Variants in WWOX observed in about 807,000 individuals in gnomAD.
WWOX encodes the protein WW domain-containing oxidoreductase.
Under a neutral mutation model 46.2 loss-of-function variants are expected in WWOX, and 69 were observed. The observed-to-expected ratio is 1.49, with a 90% CI of 1.23 to 1.82. The LOEUF (loss-of-function observed/expected upper bound fraction) is 1.82. Ranked by LOEUF, WWOX falls within the 40% of genes most tolerant of loss-of-function variation. The pLI is 0.00. For synonymous variants in WWOX, 359 were observed against 202.6 expected (o/e 1.77, Z -6.56); for missense variants, 919 against 542.6 (o/e 1.69, Z -6.89).
At chr16:78,325,829 C>G (rs752975791) in intron 5 of WWOX, among the ~76,000 whole-genome samples, 1 of 152,202 alleles carries the variant, frequency 6.6e-6, no homozygotes, top group Non-Finnish European at 1.5e-5. Context: ...GCTTTTGCAA[C>G]TTGAACACAC....
intron 8 of WWOX, among the ~76,000 whole-genome samples, chr16:79,184,292 A>G (rs1266922591): frequency 6.6e-6 from 1 of 152,206 alleles, no homozygotes; most frequent in East Asian, 1.9e-4. Flanking sequence ...TTCTTTGCAC[A>G]AAGAGCCTAC....
intron 8 of WWOX, among the ~76,000 whole-genome samples, chr16:79,105,802 A>G (rs892297430): frequency 2.0e-5 from 3 of 151,976 alleles, no homozygotes; most frequent in African/African-American, 7.2e-5. Context: ...ACCTGAGACT[A>G]CAGGCAGTCA....
chr16:78,897,978 G>C (rs1025588986), intron 8 of WWOX: 1 of 115,072 alleles, frequency 8.7e-6, no homozygotes, highest in African/African-American at 4.7e-5. Flanking sequence ...TGAACTGCTT[G>C]TTTATGTATT....
At chr16:79,191,302 C>T (rs1052613830) in intron 8 of WWOX, among the ~76,000 whole-genome samples, 4 of 151,972 alleles carry the variant, frequency 2.6e-5, no homozygotes, top group African/African-American at 2.4e-5. Context: ...GCAATCTGCC[C>T]GCCTCTGCCT....
At chr16:78,803,185 A>G (rs1280966244) in intron 8 of WWOX, among the ~76,000 whole-genome samples, 1 of 151,908 alleles carries the variant, frequency 6.6e-6, no homozygotes, top group East Asian at 1.9e-4. Context: ...TCAGTTCTTA[A>G]CACAAACCAC....
intron 5 of WWOX, among the ~76,000 whole-genome samples, chr16:78,305,659 C>G (rs979070709): frequency 1.3e-5 from 2 of 151,966 alleles, no homozygotes; most frequent in African/African-American, 2.4e-5. Context: ...TGAAAAGCCC[C>G]TTTCTTGTTT....
intron 8 of WWOX, among the ~76,000 whole-genome samples, chr16:78,815,058 C>T (rs2051294674): frequency 6.6e-6 from 1 of 152,230 alleles, no homozygotes; most frequent in Non-Finnish European, 1.5e-5. Context: ...GGCACAGTGG[C>T]TCACGCCTGT....
chr16:78,284,093 G>T (rs758740821), intron 5 of WWOX, among the ~76,000 whole-genome samples: 1 of 152,142 alleles, frequency 6.6e-6, no homozygotes, highest in Non-Finnish European at 1.5e-5. Context: ...CAACCATTGC[G>T]TGTAGGAGGG....
intron 8 of WWOX, among the ~76,000 whole-genome samples, chr16:78,436,877 G>T (rs2083346821): frequency 6.6e-6 from 1 of 152,200 alleles, no homozygotes; most frequent in South Asian, 2.1e-4. Flanking sequence ...TGGACAAAGG[G>T]TGCATTTCTG....
At chr16:78,855,374 A>T (rs73579334) in intron 8 of WWOX, among the ~76,000 whole-genome samples, 1 of 152,106 alleles carries the variant, frequency 6.6e-6, no homozygotes, top group African/African-American at 2.4e-5. Flanking sequence ...CTAAAATTGT[A>T]TGTTGCGGGG....
intron 8 of WWOX, among the ~76,000 whole-genome samples, chr16:78,711,993 A>T (rs2048454155): frequency 1.3e-5 from 2 of 152,188 alleles, no homozygotes; most frequent in South Asian, 4.1e-4. Flanking sequence ...AATCTGTGCT[A>T]GTTCGGCAAA....
intron 8 of WWOX, among the ~76,000 whole-genome samples, chr16:79,006,697 G>A (rs1419568344): frequency 6.6e-6 from 1 of 152,100 alleles, no homozygotes; most frequent in Non-Finnish European, 1.5e-5. Context: ...GTGGGGCTGG[G>A]CTTTTTCTGG....
intron 8 of WWOX, among the ~76,000 whole-genome samples, chr16:78,626,256 G>C (rs1423150794): frequency 6.6e-6 from 1 of 151,998 alleles, no homozygotes; most frequent in East Asian, 1.9e-4. Flanking sequence ...TCAGCCTCCT[G>C]AGCAGGTGGG....
At chr16:78,709,423 C>T (rs895149979) in intron 8 of WWOX, among the ~76,000 whole-genome samples, 7 of 152,078 alleles carry the variant, frequency 4.6e-5, no homozygotes, top group East Asian at 3.9e-4. Flanking sequence ...CAGCCTGTTG[C>T]AAGTAATCGG....
chr16:78,558,819 C>G, intron 8 of WWOX, among the ~76,000 whole-genome samples: 1 of 152,222 alleles, frequency 6.6e-6, no homozygotes, highest in East Asian at 1.9e-4. Context: ...AACCAAGTGG[C>G]TCTTTCGGAA....
intron 6 of WWOX, among the ~76,000 whole-genome samples, chr16:78,423,030 C>T (rs775356665): frequency 6.6e-5 from 10 of 151,738 alleles, no homozygotes; most frequent in Non-Finnish European, 1.0e-4. Flanking sequence ...GGATTACAGG[C>T]GTGTGCCACC....
intron 5 of WWOX, among the ~76,000 whole-genome samples, chr16:78,342,777 C>A (rs1207725225): frequency 1.7e-5 from 2 of 120,582 alleles, no homozygotes; most frequent in Non-Finnish European, 4.0e-5. Flanking sequence ...AAAAACAAGC[C>A]ACCAGATTGT....
intron 8 of WWOX, among the ~76,000 whole-genome samples, chr16:78,943,394 G>A (rs1011447164): frequency 1.3e-5 from 2 of 148,276 alleles, no homozygotes; most frequent in Admixed American, 6.6e-5. Context: ...CGACTGCATC[G>A]CCACTCCCCC....
chr16:79,039,806 G>A (rs761653145), intron 8 of WWOX, among the ~76,000 whole-genome samples: 18 of 152,000 alleles, frequency 1.2e-4, no homozygotes, highest in Non-Finnish European at 1.9e-4. Flanking sequence ...ACCTTTTTGC[G>A]TGCTCTTCTG....
Sources: gnomAD v4.1 joint callset for allele counts (sites outside exome capture counted in the v4.1 genomes callset) on GRCh38, gnomAD v4.1.1 for gene constraint, MANE v1.5 for transcripts, NCBI Gene and HGNC (gene_info 2026-07-23, HGNC 2026-07-21) for gene names.